Variants in RNF38 observed in about 807,000 individuals in gnomAD.
The protein encoded by RNF38 is E3 ubiquitin-protein ligase RNF38.
RNF38 carries 15 observed loss-of-function variants against 67.2 expected under a neutral mutation model. That is an observed-to-expected ratio of 0.22 (90% confidence interval 0.15 to 0.34). The LOEUF is 0.34. Ranked by LOEUF, RNF38 falls within the 10% of genes least tolerant of loss-of-function variation. The probability of loss-of-function intolerance (pLI) is 1.00; values close to 1 mark genes in which losing one functional copy is unlikely to be tolerated. For synonymous variants in RNF38, 220 were observed against 218.8 expected, an observed-to-expected ratio of 1.01 and a Z score of -0.05; for missense variants, 524 against 639.9, an observed-to-expected ratio of 0.82 and a Z score of 1.95.
intron 1 of RNF38, among the ~76,000 whole-genome samples, chr9:36,450,463 C>T (rs1431037439): frequency 1.3e-5 from 2 of 152,184 alleles, no homozygotes; most frequent in African/African-American, 2.4e-5. Flanking sequence ...TAAATTTCTA[C>T]ATGTTTTAAT....
At chr9:36,429,968 CT>C (rs902848603) in intron 1 of RNF38, among the ~76,000 whole-genome samples, 1 of 152,040 alleles carries the variant, frequency 6.6e-6, no homozygotes, top group African/African-American at 2.4e-5. Flanking sequence ...CTATAATATA[CT>C]TTATATGACT....
intron 1 of RNF38, among the ~76,000 whole-genome samples, chr9:36,466,052 G>C (rs527994322): frequency 1.2e-4 from 18 of 152,152 alleles, no homozygotes; most frequent in South Asian, 6.2e-4. Flanking sequence ...ACTCTGTCTC[G>C]TGAAAAAGTA....
chr9:36,427,194 G>T (rs909930805), intron 1 of RNF38, among the ~76,000 whole-genome samples: 1 of 152,116 alleles, frequency 6.6e-6, no homozygotes, highest in Non-Finnish European at 1.5e-5. Context: ...CTCATGGCAA[G>T]TACTAAGTAA....
intron 3 of RNF38, among the ~76,000 whole-genome samples, chr9:36,374,678 C>A (rs2265348): frequency 0.022 from 3,340 of 152,254 alleles, 107 homozygotes; most frequent in African/African-American, 0.071. Context: ...TTAGTAGAGA[C>A]GAGGCTTCAC....
rs1369542336 is a variant in RNF38 at position 36,337,305 on chromosome 9, A to G, written c.*2447T>C. The G allele has an allele frequency of 1.3e-5, 2 of 152,634 alleles. No individual in the cohort carries two copies. Among genetic ancestry groups the G allele is most frequent in the African/African-American group, 4.8e-5 (2 of 41,460 alleles). 9.5% of individuals were successfully genotyped at this position (152,634 alleles called of 1,614,324 possible). ...ACATCTCTATGAGCCCCATGCAAAG[A>G]CAAGACATTCCCAAAGATCAGTCAC... On this transcript the variant is annotated 3_prime_UTR_variant, in exon 12 of 12. Transcript: ENST00000259605.
chr9:36,401,226 C>CGGG, upstream of RNF38: 1 of 874,956 alleles, frequency 1.1e-6, no homozygotes, highest in Non-Finnish European at 1.4e-6. Context: ...GGCGGGGCTG[C>CGGG]GCGCGGCCCG....
intron 1 of RNF38, among the ~76,000 whole-genome samples, chr9:36,434,533 G>A (rs1839017492): frequency 2.6e-5 from 4 of 152,144 alleles, no homozygotes; most frequent in Admixed American, 2.6e-4. Context: ...TTACACGCAT[G>A]CGCCACCAGG....
intron 2 of RNF38, among the ~76,000 whole-genome samples, chr9:36,383,150 T>C (rs1836332665): frequency 6.6e-6 from 1 of 152,216 alleles, no homozygotes; most frequent in Non-Finnish European, 1.5e-5. Context: ...CTCATTTTAT[T>C]CTCCACAAGC....
chr9:36,342,257 T>A, intron 11 of RNF38, 68 bp downstream of exon 11: 2 of 1,102,292 alleles, frequency 1.8e-6, no homozygotes, highest in Non-Finnish European at 2.8e-6. Flanking sequence ...GCTATGAACT[T>A]ACTCTAATCC....
chr9:36,411,321 A>T (rs914144880), intron 2 of RNF38, among the ~76,000 whole-genome samples: 1 of 152,220 alleles, frequency 6.6e-6, no homozygotes, highest in Non-Finnish European at 1.5e-5. Flanking sequence ...TGTTGGTGGG[A>T]ATATAAAATG....
intron 1 of RNF38, among the ~76,000 whole-genome samples, chr9:36,475,478 C>T (rs1240073307): frequency 6.6e-6 from 1 of 151,812 alleles, no homozygotes; most frequent in Non-Finnish European, 1.5e-5. Context: ...CTGCCTCAGC[C>T]TCCCAAGGAG....
At chr9:36,454,431 T>C (rs1839535116) in intron 1 of RNF38, among the ~76,000 whole-genome samples, 1 of 151,838 alleles carries the variant, frequency 6.6e-6, no homozygotes, top group African/African-American at 2.4e-5. Flanking sequence ...GCCCAGCCTC[T>C]ATCATACATT....
intron 9 of RNF38, 140 bp from the exon 10 acceptor site, chr9:36,345,093 T>G (rs1019005552): frequency 2.6e-5 from 20 of 772,234 alleles, no homozygotes; most frequent in Admixed American, 3.3e-5. Flanking sequence ...CATTGTGCAC[T>G]GTGGCCTCGA....
At chr9:36,395,939 G>A (rs1251536990) in intron 1 of RNF38, among the ~76,000 whole-genome samples, 3 of 152,036 alleles carry the variant, frequency 2.0e-5, no homozygotes, top group Non-Finnish European at 2.9e-5. Flanking sequence ...CATAAGGTAG[G>A]GTTATATATG....
At position 36,369,935 on chromosome 9, in the gene RNF38, G is replaced by A. The variant is rs141058460; in HGVS notation, c.357-3C>T. 172 of 1,609,888 alleles carry A rather than the reference G, an allele frequency of 1.1e-4. No homozygotes were observed. The East Asian group carries it at 3.5e-3, about 33-fold the overall frequency. On this transcript the variant is annotated splice_region_variant and splice_polypyrimidine_tract_variant and intron_variant, in intron 3 of 11. Coordinates refer to ENST00000259605, the MANE Select transcript of RNF38 (RefSeq NM_022781.5). The stretch of plus-strand genomic sequence containing the variant: ...CTCTCTGGCGCCTGACAGGAGGACT[G>A]TGATAAATATCAAAAAGAAAGTCAT...
At chr9:36,405,416 A>C (rs1316719848), upstream of RNF38, among the ~76,000 whole-genome samples, 1 of 152,174 alleles carries the variant, frequency 6.6e-6, no homozygotes, top group Non-Finnish European at 1.5e-5. Context: ...TTTTAGGCTT[A>C]CTGTATTGCT....
chr9:36,468,241 TAAA>T (rs201229836), intron 1 of RNF38, among the ~76,000 whole-genome samples: 1 of 132,628 alleles, frequency 7.5e-6, no homozygotes. Flanking sequence ...TGTTCTGTCT[TAAA>T]AAAAAAAAAA....
chr9:36,397,468 G>A (rs1837628391), intron 1 of RNF38, among the ~76,000 whole-genome samples: 1 of 152,070 alleles, frequency 6.6e-6, no homozygotes, highest in South Asian at 2.1e-4. Flanking sequence ...TCAAGGACTG[G>A]TACTATGTGG....
chr9:36,416,898 A>G (rs964479729), intron 2 of RNF38, among the ~76,000 whole-genome samples: 1 of 151,690 alleles, frequency 6.6e-6, no homozygotes, highest in Non-Finnish European at 1.5e-5. Flanking sequence ...GATTACAGGC[A>G]TGTGCCACAT....
Sources: allele counts gnomAD v4.1 joint callset (sites outside exome capture counted in the v4.1 genomes callset), GRCh38; gene constraint gnomAD v4.1.1; transcripts MANE v1.5; gene names NCBI Gene and HGNC (gene_info 2026-07-23, HGNC 2026-07-21).